CLCN3: variants seen among roughly 807,000 people sequenced by gnomAD.
CLCN3 encodes the protein Cl-/H+ antiporter 3.
In CLCN3, 16 loss-of-function variants were observed where a neutral mutation model predicts 83.4. That is an observed-to-expected ratio of 0.19 (90% confidence interval 0.13 to 0.29). The LOEUF is 0.29. Ranked by LOEUF, CLCN3 falls within the 10% of genes least tolerant of loss-of-function variation. The pLI is 1.00. For missense variants in CLCN3, 544 were observed against 1,006.0 expected (o/e 0.54, Z 6.21); for synonymous variants, 322 against 346.2 (o/e 0.93, Z 0.78).
rs193065101 is a variant in CLCN3 at position 169,705,814 on chromosome 4, A to G, written c.1751-1054A>G. ...ACTTAGGAAAGATTAACAAGGGAACATGGCTTATACAGTGGTAATGGGGCC... is the reference window on the plus strand; with the variant it reads ...ACTTAGGAAAGATTAACAAGGGAACGTGGCTTATACAGTGGTAATGGGGCC... On this transcript the variant is annotated intron_variant, in intron 10 of 12. Coordinates refer to ENST00000513761, the MANE Select transcript of CLCN3 (RefSeq NM_001829.4). Among the ~76,000 whole-genome samples the G allele has an allele frequency of 1.1e-4, 17 of 152,264 alleles. No homozygotes were observed. In the East Asian group the frequency reaches 3.3e-3, roughly 29 times the overall value.
chr4:169,637,936 T>G (rs1270667992), intron 2 of CLCN3, among the ~76,000 whole-genome samples: 1 of 152,220 alleles, frequency 6.6e-6, no homozygotes, highest in Non-Finnish European at 1.5e-5. Flanking sequence ...GACTTTCTAC[T>G]GTGTTACATT....
At position 169,628,972 on chromosome 4, in the gene CLCN3, G is replaced by A. The variant is rs1324859270; in HGVS notation, c.-16-6941G>A. Among the ~76,000 whole-genome samples, 3 of 152,284 alleles carry A rather than the reference G, an allele frequency of 2.0e-5. No homozygotes were observed. The East Asian group carries it at 5.8e-4, about 29-fold the overall frequency. ...ATAGACTACTCTGATAAAAAGGAAG[G>A]AACTATTGACACATGTAACACCCTG... On this transcript the variant is annotated intron_variant, in intron 1 of 12. Transcript: ENST00000513761.
intron 2 of CLCN3, chr4:169,660,421 A>G: frequency 1.4e-6 from 2 of 1,387,018 alleles, no homozygotes; most frequent in Non-Finnish European, 1.9e-6. Context: ...AGGAGACAGT[A>G]TTCCCCTGAG....
chr4:169,675,327 G>T lies in CLCN3; in HGVS notation c.161-4723G>T, dbSNP rs377712717. ...TGATCTCTTGATCTAGTCTAAGAATGTTTATAGTGATTACGAGAAGTTCAG... is the reference window on the plus strand; with the variant it reads ...TGATCTCTTGATCTAGTCTAAGAATTTTTATAGTGATTACGAGAAGTTCAG... On this transcript the variant is annotated intron_variant, in intron 2 of 12. Transcript: ENST00000513761. Among the ~76,000 whole-genome samples, 8 of 152,208 alleles carry T rather than the reference G, an allele frequency of 5.3e-5. No homozygotes were observed. In the South Asian group the frequency reaches 1.7e-3, roughly 32 times the overall value.
intron 2 of CLCN3, among the ~76,000 whole-genome samples, chr4:169,646,496 A>G (rs918140178): frequency 4.6e-5 from 7 of 151,862 alleles, no homozygotes; most frequent in Admixed American, 2.6e-4. Flanking sequence ...GGGTTTCGCT[A>G]TGTTGGCCAG....
chr4:169,653,110 C>T (rs918212373), intron 2 of CLCN3, among the ~76,000 whole-genome samples: 9 of 152,052 alleles, frequency 5.9e-5, no homozygotes, highest in African/African-American at 2.2e-4. Context: ...TGCTTTATGG[C>T]CAAGGCTTTT....
At chr4:169,704,275 G>T in intron 10 of CLCN3, 91 bp downstream of exon 10, 1 of 1,245,214 alleles carries the variant, frequency 8.0e-7, no homozygotes, top group Non-Finnish European at 1.1e-6. Flanking sequence ...ATTGGTGGGC[G>T]GATTGGTTGA....
chr4:169,640,099 T>G (rs1323016789), intron 2 of CLCN3, among the ~76,000 whole-genome samples: 2 of 152,246 alleles, frequency 1.3e-5, no homozygotes, highest in Admixed American at 6.5e-5. Flanking sequence ...TATAGAATCC[T>G]TAGCAGTGTG....
chr4:169,652,310 G>C (rs967521910), intron 2 of CLCN3, among the ~76,000 whole-genome samples: 1 of 152,160 alleles, frequency 6.6e-6, no homozygotes, highest in Admixed American at 6.5e-5. Flanking sequence ...ATTCATTCAA[G>C]CCAGAAATGG....
At chr4:169,676,432 T>C (rs1265628926) in intron 2 of CLCN3, among the ~76,000 whole-genome samples, 2 of 152,120 alleles carry the variant, frequency 1.3e-5, no homozygotes, top group African/African-American at 4.8e-5. Context: ...TTACTTCCAC[T>C]CTCAGGTCTA....
intron 1 of CLCN3, 96 bp downstream of exon 1, chr4:169,621,159 C>G (rs763465196): frequency 1.1e-5 from 4 of 372,572 alleles, no homozygotes; most frequent in African/African-American, 4.2e-5. Context: ...GTTTCTCTTA[C>G]AATGTACCTA....
chr4:169,713,003 T>G, intron 11 of CLCN3, 76 bp from the exon 12 acceptor site: 1 of 1,055,146 alleles, frequency 9.5e-7, no homozygotes, highest in South Asian at 1.4e-5. Context: ...TTAATTTTTT[T>G]TATCTCTGAA....
At chr4:169,660,602 C>G (rs1029249726) in intron 2 of CLCN3, among the ~76,000 whole-genome samples, 3 of 152,142 alleles carry the variant, frequency 2.0e-5, no homozygotes, top group Non-Finnish European at 4.4e-5. Context: ...ATGCAACCTT[C>G]TGAATGGTTG....
Position 169,646,373 on chromosome 4 carries a change from C to G in CLCN3, c.160+10285C>G, listed in dbSNP as rs574071810. ...TTTGGCTCACTACAACCTCTGCCTC[C>G]CAGGTGGAGTGTTGAAGTGATTCTC... is the stretch of plus-strand genomic sequence containing the variant. On this transcript the variant is annotated intron_variant, in intron 2 of 12. Transcript: ENST00000513761. Among the ~76,000 whole-genome samples, 577 of 152,264 alleles carry G rather than the reference C, an allele frequency of 3.8e-3. 2 individuals carry two copies. The highest frequency in any genetic ancestry group is 6.6e-3 in the Non-Finnish European group (448 of 68,018).
chr4:169,717,101 A>G (rs57707475), intron 12 of CLCN3, among the ~76,000 whole-genome samples: 27 of 152,306 alleles, frequency 1.8e-4, no homozygotes, highest in African/African-American at 5.8e-4. Context: ...TTGATGTGAT[A>G]ACAGTGACAT....
chr4:169,678,709 A>G (rs527266130), intron 2 of CLCN3, among the ~76,000 whole-genome samples: 6 of 152,312 alleles, frequency 3.9e-5, no homozygotes, highest in East Asian at 3.9e-4. Context: ...GACATAGCAC[A>G]TGTTTCAGAG....
At chr4:169,698,217 C>G (rs535836265) in intron 9 of CLCN3, among the ~76,000 whole-genome samples, 2 of 152,298 alleles carry the variant, frequency 1.3e-5, no homozygotes, top group East Asian at 3.9e-4. Flanking sequence ...TCACCTCAAG[C>G]ATTTATCCCT....
chr4:169,628,565 C>T (rs1411131948), intron 1 of CLCN3, among the ~76,000 whole-genome samples: 1 of 152,138 alleles, frequency 6.6e-6, no homozygotes, highest in African/African-American at 2.4e-5. Flanking sequence ...AGCATCATTA[C>T]CCATTAGGGA....
chr4:169,704,894 C>A (rs1732931159), intron 10 of CLCN3, among the ~76,000 whole-genome samples: 1 of 152,020 alleles, frequency 6.6e-6, no homozygotes, highest in African/African-American at 2.4e-5. Context: ...AATGTAATAT[C>A]AATTAAAAGG....
Sources: allele counts gnomAD v4.1 joint callset (sites outside exome capture counted in the v4.1 genomes callset), GRCh38; gene constraint gnomAD v4.1.1; transcripts MANE v1.5; gene names NCBI Gene and HGNC (gene_info 2026-07-23, HGNC 2026-07-21).